The following RAD51B variants were observed in gnomAD, a reference collection of about 807,000 sequenced individuals.
The protein encoded by RAD51B is DNA repair protein RAD51 homolog 2.
RAD51B carries 38 observed loss-of-function variants against 42.2 expected under a neutral mutation model. The ratio of observed to expected loss-of-function variants is 0.90; its 90% CI spans 0.70 to 1.18. RAD51B has a LOEUF of 1.18. RAD51B is among the 50% of genes most tolerant of loss of function. The pLI is 0.00. For synonymous variants in RAD51B, 154 were observed against 145.2 expected (o/e 1.06, Z -0.43); for missense variants, 373 against 400.7 (o/e 0.93, Z 0.59).
chr14:68,112,123 T>A (rs1237186446), intron 7 of RAD51B, among the ~76,000 whole-genome samples: 1 of 152,144 alleles, frequency 6.6e-6, no homozygotes, highest in Non-Finnish European at 1.5e-5. Context: ...GGCTTTACTG[T>A]GGAAGCATAA....
chr14:68,401,509 A>G (rs2084104189), intron 8 of RAD51B, among the ~76,000 whole-genome samples: 1 of 152,076 alleles, frequency 6.6e-6, no homozygotes. Flanking sequence ...TGATTGCCTC[A>G]CTTCTTCCTG....
chr14:68,101,193 G>A (rs1235546501), intron 7 of RAD51B, among the ~76,000 whole-genome samples: 1 of 152,130 alleles, frequency 6.6e-6, no homozygotes, highest in Non-Finnish European at 1.5e-5. Context: ...ATGGGGATAA[G>A]GGGAACTGTA....
intron 7 of RAD51B, among the ~76,000 whole-genome samples, chr14:68,258,369 C>T (rs1003010479): frequency 6.6e-6 from 1 of 151,882 alleles, no homozygotes; most frequent in Non-Finnish European, 1.5e-5. Context: ...CATGCCAGTG[C>T]ACTCCAGCCT....
At chr14:68,320,782 G>A (rs1467810304) in intron 8 of RAD51B, among the ~76,000 whole-genome samples, 2 of 152,010 alleles carry the variant, frequency 1.3e-5, no homozygotes, top group African/African-American at 4.8e-5. Flanking sequence ...CCCATCATCT[G>A]CTGTGGCCAC....
At chr14:67,982,986 C>A (rs1409644981) in intron 7 of RAD51B, among the ~76,000 whole-genome samples, 1 of 152,092 alleles carries the variant, frequency 6.6e-6, no homozygotes, top group African/African-American at 2.4e-5. Flanking sequence ...TGCTTGAGCC[C>A]AGGAGTTTGA....
At chr14:68,206,362 T>C (rs1274643) in intron 7 of RAD51B, among the ~76,000 whole-genome samples, 23,389 of 152,208 alleles carry the variant, frequency 0.15, 1,921 homozygotes, top group Middle Eastern at 0.34. Flanking sequence ...GGGAAACAAA[T>C]AGCTTGCTCT....
chr14:67,851,581 C>T (rs542711033), intron 4 of RAD51B, among the ~76,000 whole-genome samples: 4 of 152,126 alleles, frequency 2.6e-5, no homozygotes, highest in Admixed American at 1.3e-4. Context: ...AGTTTCTCTC[C>T]CCAGCCTGGG....
chr14:68,562,866 G>A lies in RAD51B; in HGVS notation c.1037-31619G>A, dbSNP rs141253945. 605 of 985,420 alleles carry A rather than the reference G, an allele frequency of 6.1e-4. 4 individuals are homozygous for A. The African/African-American group carries it at 1.0e-2, about 16-fold the overall frequency. 61.0% of individuals were successfully genotyped at this position (985,420 alleles called of 1,614,324 possible). On this transcript the variant is annotated intron_variant, in intron 10 of 10. Coordinates refer to the RAD51B transcript ENST00000487270. ...AAATGTTCACAGCAGCTCTGGAAGA[G>A]AGGAACTCAGAAACCTCTGGGCACC...
intron 10 of RAD51B, among the ~76,000 whole-genome samples, chr14:68,518,564 C>T (rs374423331): frequency 7.3e-6 from 1 of 136,812 alleles, no homozygotes; most frequent in African/African-American, 2.5e-5. Flanking sequence ...GCCCCCCCCC[C>T]AGGCCTCCCC....
chr14:68,092,684 C>T (rs568088586), intron 7 of RAD51B, among the ~76,000 whole-genome samples: 11 of 152,162 alleles, frequency 7.2e-5, no homozygotes, highest in South Asian at 4.2e-4. Context: ...AATTGAATAC[C>T]CTTTATTTCC....
chr14:68,104,749 C>T (rs1329532894), intron 7 of RAD51B, among the ~76,000 whole-genome samples: 9 of 152,102 alleles, frequency 5.9e-5, no homozygotes, highest in Non-Finnish European at 1.3e-4. Flanking sequence ...CCACGATAGA[C>T]TTCATTCACT....
intron 11 of RAD51B, among the ~76,000 whole-genome samples, chr14:68,659,436 A>G (rs1892888549): frequency 6.6e-6 from 1 of 151,902 alleles, no homozygotes; most frequent in South Asian, 2.1e-4. Context: ...TGTTTTCTGC[A>G]ATATAAACAA....
At chr14:68,241,536 G>A (rs531939407) in intron 7 of RAD51B, among the ~76,000 whole-genome samples, 179 of 152,064 alleles carry the variant, frequency 1.2e-3, no homozygotes, top group African/African-American at 4.1e-3. Flanking sequence ...GTGAGACTCC[G>A]TCTCAAAATA....
At chr14:68,042,347 G>A (rs1031153028) in intron 7 of RAD51B, among the ~76,000 whole-genome samples, 3 of 152,130 alleles carry the variant, frequency 2.0e-5, no homozygotes, top group African/African-American at 4.8e-5. Context: ...TTTGAATAGC[G>A]TTAAAGGGGA....
chr14:68,205,789 T>A (rs1595550457), intron 7 of RAD51B, among the ~76,000 whole-genome samples: 1 of 152,164 alleles, frequency 6.6e-6, no homozygotes. Context: ...TCTGAGCCAT[T>A]TGAGGCTAAA....
intron 8 of RAD51B, among the ~76,000 whole-genome samples, chr14:68,342,554 T>TCC (rs1175426032): frequency 6.6e-6 from 1 of 152,112 alleles, no homozygotes; most frequent in Non-Finnish European, 1.5e-5. Flanking sequence ...CCATGCCTTC[T>TCC]CTCTCTCTCT....
At chr14:68,655,641 C>T (rs1892800226) in intron 11 of RAD51B, among the ~76,000 whole-genome samples, 1 of 152,198 alleles carries the variant, frequency 6.6e-6, no homozygotes, top group African/African-American at 2.4e-5. Flanking sequence ...ACAGCCTCTG[C>T]ACAGCCAGGG....
chr14:68,017,989 T>TAAAC (rs2075804604), intron 7 of RAD51B, among the ~76,000 whole-genome samples: 2 of 151,828 alleles, frequency 1.3e-5, no homozygotes, highest in Non-Finnish European at 2.9e-5. Context: ...AATAAATAAA[T>TAAAC]AAATAAATAA....
At chr14:67,839,102 A>G (rs900732444) in intron 4 of RAD51B, among the ~76,000 whole-genome samples, 3 of 152,128 alleles carry the variant, frequency 2.0e-5, no homozygotes, top group Non-Finnish European at 4.4e-5. Context: ...GCTAATATTT[A>G]AGATTTTTCA....
Sources: gnomAD v4.1 joint callset for allele counts (sites outside exome capture counted in the v4.1 genomes callset) on GRCh38, gnomAD v4.1.1 for gene constraint, MANE v1.5 for transcripts, NCBI Gene and HGNC (gene_info 2026-07-23, HGNC 2026-07-21) for gene names.